The following XRRA1 variants were observed in gnomAD, a reference collection of about 807,000 sequenced individuals.
XRRA1 encodes the protein X-ray radiation resistance-associated protein 1.
A neutral mutation model predicts 80.2 loss-of-function variants in XRRA1; 69 were observed. The observed-to-expected ratio is 0.86, with a 90% CI of 0.71 to 1.05. XRRA1 has a LOEUF of 1.05. Ranked by LOEUF, XRRA1 falls within the 50% of genes least tolerant of loss-of-function variation. The pLI is 0.00. For synonymous variants in XRRA1, 348 were observed against 389.9 expected, an observed-to-expected ratio of 0.89 and a Z score of 1.27; for missense variants, 967 against 976.4, an observed-to-expected ratio of 0.99 and a Z score of 0.13.
chr11:74,843,372 A>C lies in XRRA1; in HGVS notation c.2231T>G (p.Phe744Cys). The change falls in exon 19 of 19, where the codon TTC (phenylalanine) becomes TGC (cysteine). Residue 744 changes from phenylalanine to cysteine, a missense_variant. Phe to Cys is a radical substitution (Grantham distance 205). Transcript: ENST00000684022. Reference sequence around the variant, plus strand: ...CACCAGCTGCCGGTAACGTGCCTGGAACTCCTTCAACAGCCTCTTGGCCTC... The same window carrying C: ...CACCAGCTGCCGGTAACGTGCCTGGCACTCCTTCAACAGCCTCTTGGCCTC... ...YLEAKRLLKE[F>C]QARYRQLVSG... 6.2e-7 allele frequency: 1 copy of C among 1,612,218 alleles called. No homozygotes were observed. The highest frequency in any genetic ancestry group is 8.5e-7 in the Non-Finnish European group (1 of 1,179,220).
At chr11:74,892,031 C>A (rs1352522799) in intron 10 of XRRA1, among the ~76,000 whole-genome samples, 1 of 152,164 alleles carries the variant, frequency 6.6e-6, no homozygotes, top group Non-Finnish European at 1.5e-5. Context: ...CAATGACTTT[C>A]TTCACAGAAT....
intron 13 of XRRA1, among the ~76,000 whole-genome samples, chr11:74,851,630 A>AT (rs2039882249): frequency 6.6e-6 from 1 of 152,230 alleles, no homozygotes; most frequent in Non-Finnish European, 1.5e-5. Flanking sequence ...AAATGAGGTC[A>AT]TGACAGAACT....
chr11:74,915,400 G>A (rs1321501740), intron 8 of XRRA1, among the ~76,000 whole-genome samples: 1 of 152,206 alleles, frequency 6.6e-6, no homozygotes, highest in African/African-American at 2.4e-5. Flanking sequence ...AGGAAGATAA[G>A]GTAACCCAAT....
At chr11:74,854,193 A>G (rs1252499248) in intron 12 of XRRA1, among the ~76,000 whole-genome samples, 2 of 152,328 alleles carry the variant, frequency 1.3e-5, no homozygotes, top group East Asian at 3.9e-4. Flanking sequence ...AATGTCAAAT[A>G]GGCAGTTGGA....
Position 74,933,807 on chromosome 11 carries a change from G to T in XRRA1, c.345C>A (p.Phe115Leu). Reference sequence around the variant, plus strand: ...CTTTGCTGGCTGACCTCACCTTGGAGAACTTCAGGCCACTCACATTAATGG... The same window carrying T: ...CTTTGCTGGCTGACCTCACCTTGGATAACTTCAGGCCACTCACATTAATGG... ...LCTINVSGLK[F>L]SKAKENDFKH... The change falls in exon 5 of 19, where the codon TTC becomes TTA. Residue 115 changes from phenylalanine (F) to leucine (L), a missense_variant. Physicochemically the swap from Phe to Leu is conservative, Grantham distance 22. Transcript: ENST00000684022. 1 of 1,593,500 alleles carries T rather than the reference G, an allele frequency of 6.3e-7. No homozygotes were observed. The highest frequency in any genetic ancestry group is 8.5e-7 in the Non-Finnish European group (1 of 1,169,600).
intron 5 of XRRA1, 85 bp from the exon 6 acceptor site, chr11:74,930,457 G>A (rs957896976): frequency 3.7e-6 from 4 of 1,085,298 alleles, no homozygotes; most frequent in Middle Eastern, 2.0e-4. Flanking sequence ...CAGGGCCACT[G>A]TCAGAAGAAA....
At chr11:74,895,031 C>T (rs2051900204) in intron 10 of XRRA1, among the ~76,000 whole-genome samples, 1 of 152,134 alleles carries the variant, frequency 6.6e-6, no homozygotes. Flanking sequence ...CACCATTTGT[C>T]CCCCCGTCCC....
chr11:74,943,535 G>C (rs562950222), intron 2 of XRRA1, among the ~76,000 whole-genome samples: 2 of 62,612 alleles, frequency 3.2e-5, no homozygotes, highest in Non-Finnish European at 1.0e-4. Context: ...GTGTGTGTGT[G>C]TGTGTGTGTG....
At chr11:74,858,394 T>C (rs1565246867) in intron 12 of XRRA1, among the ~76,000 whole-genome samples, 4 of 152,180 alleles carry the variant, frequency 2.6e-5, no homozygotes, top group Admixed American at 2.6e-4. Flanking sequence ...AAAGATTAAG[T>C]TGAAATAAAG....
At chr11:74,882,074 G>T (rs1226539740) in intron 10 of XRRA1, among the ~76,000 whole-genome samples, 1 of 149,968 alleles carries the variant, frequency 6.7e-6, no homozygotes, top group Non-Finnish European at 1.5e-5. Flanking sequence ...GATTGGGGAA[G>T]TTCTCCTGGA....
At chr11:74,927,817 A>G (rs1426681291) in intron 6 of XRRA1, among the ~76,000 whole-genome samples, 1 of 152,244 alleles carries the variant, frequency 6.6e-6, no homozygotes, top group African/African-American at 2.4e-5. Flanking sequence ...AAATTAAAAC[A>G]CAACTAAGAA....
chr11:74,935,680 A>G (rs1468459371), intron 4 of XRRA1, among the ~76,000 whole-genome samples: 1 of 152,162 alleles, frequency 6.6e-6, no homozygotes, highest in East Asian at 1.9e-4. Flanking sequence ...CTGGAAAAAG[A>G]GGTCTGTTTT....
intron 10 of XRRA1, among the ~76,000 whole-genome samples, chr11:74,899,016 A>G (rs1279480694): frequency 6.6e-6 from 1 of 152,188 alleles, no homozygotes; most frequent in Non-Finnish European, 1.5e-5. Context: ...GTCACAAAAC[A>G]AGTCTTAAAA....
chr11:74,870,378 A>C (rs781179038), intron 10 of XRRA1, among the ~76,000 whole-genome samples: 7 of 152,322 alleles, frequency 4.6e-5, no homozygotes, highest in Non-Finnish European at 8.8e-5. Flanking sequence ...CTGACTGCCC[A>C]CTGAGCATCA....
At chr11:74,930,778 A>T (rs545789316) in intron 5 of XRRA1, among the ~76,000 whole-genome samples, 1 of 152,274 alleles carries the variant, frequency 6.6e-6, no homozygotes, top group South Asian at 2.1e-4. Context: ...GGAGACTATC[A>T]TTCCCATACT....
intron 3 of XRRA1, 145 bp downstream of exon 3, chr11:74,940,640 T>C (rs1289240386): frequency 1.5e-6 from 1 of 658,848 alleles, no homozygotes. Flanking sequence ...AGAAGTCCCA[T>C]GGAGGCTACT....
chr11:74,867,180 G>A (rs1448359062), intron 10 of XRRA1, among the ~76,000 whole-genome samples: 1 of 152,186 alleles, frequency 6.6e-6, no homozygotes, highest in Admixed American at 6.5e-5. Context: ...AAGCCAGAGT[G>A]TCTTTTTACC....
At chr11:74,868,700 T>G (rs2044048466) in intron 10 of XRRA1, among the ~76,000 whole-genome samples, 1 of 151,598 alleles carries the variant, frequency 6.6e-6, no homozygotes, top group African/African-American at 2.4e-5. Flanking sequence ...GTTGAAATTA[T>G]TCTAAACTCA....
chr11:74,887,412 A>G (rs534624625), intron 10 of XRRA1, among the ~76,000 whole-genome samples: 33 of 152,314 alleles, frequency 2.2e-4, no homozygotes, highest in African/African-American at 7.9e-4. Flanking sequence ...CGACATGAAC[A>G]GATACTTTTC....
Sources: gnomAD v4.1 joint callset for allele counts (sites outside exome capture counted in the v4.1 genomes callset) on GRCh38, gnomAD v4.1.1 for gene constraint, MANE v1.5 for transcripts, NCBI Gene and HGNC (gene_info 2026-07-23, HGNC 2026-07-21) for gene names.